The following MITF variants were observed in gnomAD, a reference collection of about 807,000 sequenced individuals.
MITF encodes microphthalmia-associated transcription factor.
A neutral mutation model predicts 60.5 loss-of-function variants in MITF; 17 were observed. The observed-to-expected ratio is 0.28, with a 90% confidence interval of 0.19 to 0.42. The LOEUF (loss-of-function observed/expected upper bound fraction) is 0.42, where lower values mean the gene tolerates loss of function less well. Among genes scored for constraint, MITF ranks in the 10% least tolerant of loss-of-function variants. MITF has a pLI of 1.00. For synonymous variants in MITF, 260 were observed against 248.5 expected (o/e 1.05, Z -0.43); for missense variants, 622 against 683.5 (o/e 0.91, Z 1.00).
chr3:69,774,411 T>C (rs2062441714), intron 1 of MITF, among the ~76,000 whole-genome samples: 1 of 152,214 alleles, frequency 6.6e-6, no homozygotes, highest in Admixed American at 6.5e-5. Context: ...GTTATAGTGC[T>C]CCTTCTAGAC....
chr3:69,930,741 C>A (rs1298024435), intron 2 of MITF, among the ~76,000 whole-genome samples: 1 of 152,240 alleles, frequency 6.6e-6, no homozygotes, highest in Non-Finnish European at 1.5e-5. Context: ...CATCCCCTGG[C>A]AACTTGTTAG....
At chr3:69,933,308 A>G (rs969652096) in intron 2 of MITF, among the ~76,000 whole-genome samples, 1 of 152,200 alleles carries the variant, frequency 6.6e-6, no homozygotes, top group Admixed American at 6.5e-5. Context: ...ATATCTAGAT[A>G]GGGATATTTC....
At chr3:69,740,943 T>C (rs976755959) in intron 1 of MITF, among the ~76,000 whole-genome samples, 1 of 152,190 alleles carries the variant, frequency 6.6e-6, no homozygotes, top group Admixed American at 6.5e-5. Flanking sequence ...GGGCTGGTTC[T>C]TTTTCTAGTG....
intron 2 of MITF, among the ~76,000 whole-genome samples, chr3:69,918,206 A>G (rs1019041136): frequency 6.6e-6 from 1 of 152,134 alleles, no homozygotes; most frequent in Non-Finnish European, 1.5e-5. Flanking sequence ...CTGGGATTAC[A>G]GGAGTTCACC....
At chr3:69,789,746 C>T (rs1281995710) in intron 1 of MITF, among the ~76,000 whole-genome samples, 1 of 152,220 alleles carries the variant, frequency 6.6e-6, no homozygotes, top group South Asian at 2.1e-4. Context: ...GTCCCACATA[C>T]TTGGGAGGCT....
At chr3:69,826,735 A>G (rs1041321698) in intron 1 of MITF, among the ~76,000 whole-genome samples, 16 of 152,216 alleles carry the variant, frequency 1.1e-4, no homozygotes, top group Non-Finnish European at 2.4e-4. Flanking sequence ...GATACTGTGC[A>G]CAGTGCTTGA....
At chr3:69,907,204 G>A (rs12107267) in intron 2 of MITF, among the ~76,000 whole-genome samples, 6 of 152,050 alleles carry the variant, frequency 3.9e-5, no homozygotes, top group Admixed American at 6.6e-5. Flanking sequence ...GAAATATAAC[G>A]TAAGTCGTCC....
intron 2 of MITF, among the ~76,000 whole-genome samples, chr3:69,909,893 T>A (rs1030531119): frequency 6.6e-6 from 1 of 152,126 alleles, no homozygotes; most frequent in African/African-American, 2.4e-5. Flanking sequence ...GAAAAACCCA[T>A]TTTTTCAGGA....
chr3:69,866,121 G>C, intron 1 of MITF: 1 of 1,257,332 alleles, frequency 8.0e-7, no homozygotes, highest in Non-Finnish European at 1.1e-6. Flanking sequence ...GGATTAAACA[G>C]GTCTGCTGTT....
At chr3:69,835,051 C>G (rs1403749490) in intron 1 of MITF, among the ~76,000 whole-genome samples, 2 of 117,802 alleles carry the variant, frequency 1.7e-5, no homozygotes, top group Admixed American at 1.1e-4. Flanking sequence ...CAAAGTCTCA[C>G]TCTGTCACCT....
chr3:69,791,378 AG>A (rs1236774246), intron 1 of MITF, among the ~76,000 whole-genome samples: 1 of 152,136 alleles, frequency 6.6e-6, no homozygotes, highest in Non-Finnish European at 1.5e-5. Flanking sequence ...TGGTGGTTTG[AG>A]TGTCATAACA....
intron 2 of MITF, among the ~76,000 whole-genome samples, chr3:69,902,295 A>G (rs1374986193): frequency 1.3e-5 from 2 of 152,110 alleles, no homozygotes; most frequent in Non-Finnish European, 2.9e-5. Context: ...ACATAAATTA[A>G]TAAGGCCATG....
chr3:69,851,430 G>T (rs2063822439), intron 1 of MITF, among the ~76,000 whole-genome samples: 1 of 152,058 alleles, frequency 6.6e-6, no homozygotes, highest in African/African-American at 2.4e-5. Context: ...CTAGTGAAAG[G>T]ATAAACAAGC....
intron 2 of MITF, among the ~76,000 whole-genome samples, chr3:69,917,057 G>C (rs1014876156): frequency 2.0e-5 from 3 of 152,164 alleles, no homozygotes; most frequent in African/African-American, 4.8e-5. Flanking sequence ...TCCAGTGCAT[G>C]ATGGGCAGCA....
At chr3:69,781,929 A>C (rs569913407) in intron 1 of MITF, among the ~76,000 whole-genome samples, 1 of 152,256 alleles carries the variant, frequency 6.6e-6, no homozygotes, top group Non-Finnish European at 1.5e-5. Flanking sequence ...AGGATCCAGA[A>C]TAGATTGCCT....
intron 8 of MITF, among the ~76,000 whole-genome samples, chr3:69,958,377 C>G (rs2066452680): frequency 6.6e-6 from 1 of 152,186 alleles, no homozygotes; most frequent in South Asian, 2.1e-4. Flanking sequence ...CAGGGATCAA[C>G]TCCAGGGAAT....
At chr3:69,796,632 A>G (rs541527654) in intron 1 of MITF, among the ~76,000 whole-genome samples, 11 of 149,444 alleles carry the variant, frequency 7.4e-5, no homozygotes, top group South Asian at 2.1e-4. Flanking sequence ...TCAGCCTCCC[A>G]AGTAGCTGGG....
intron 2 of MITF, among the ~76,000 whole-genome samples, chr3:69,901,721 A>C (rs1233560235): frequency 6.6e-6 from 1 of 152,246 alleles, no homozygotes; most frequent in Non-Finnish European, 1.5e-5. Context: ...GAATTCTGAA[A>C]GCAAGCATTT....
intron 2 of MITF, among the ~76,000 whole-genome samples, chr3:69,922,231 CT>C (rs1245849290): frequency 6.6e-6 from 1 of 151,170 alleles, no homozygotes; most frequent in African/African-American, 2.4e-5. Flanking sequence ...TATGCCATTG[CT>C]TTTTTTTTCA....
Sources: allele counts gnomAD v4.1 joint callset (sites outside exome capture counted in the v4.1 genomes callset), GRCh38; gene constraint gnomAD v4.1.1; transcripts MANE v1.5; gene names NCBI Gene and HGNC (gene_info 2026-07-23, HGNC 2026-07-21).